Variants in ACLY observed in about 807,000 individuals in gnomAD.
The protein encoded by ACLY is ATP citrate lyase.
A neutral mutation model predicts 133.0 loss-of-function variants in ACLY; 41 were observed. The ratio of observed to expected loss-of-function variants is 0.31; its 90% CI spans 0.24 to 0.40. The LOEUF (loss-of-function observed/expected upper bound fraction) is 0.40. Among genes scored for constraint, ACLY ranks in the 10% least tolerant of loss-of-function variants. The pLI, the probability that ACLY is intolerant of heterozygous loss-of-function variation, is 1.00. For synonymous variants in ACLY, 495 were observed against 549.3 expected (o/e 0.90, Z 1.38); for missense variants, 1,046 against 1,453.8 (o/e 0.72, Z 4.56).
chr17:41,892,944 G>T, intron 15 of ACLY, 89 bp downstream of exon 15: 2 of 1,509,028 alleles, frequency 1.3e-6, no homozygotes, highest in Non-Finnish European at 1.8e-6. Context: ...CTCCCAAAGC[G>T]CTAGGATTAC....
At chr17:41,907,204 G>A (rs2049745286) in intron 7 of ACLY, among the ~76,000 whole-genome samples, 2 of 152,282 alleles carry the variant, frequency 1.3e-5, no homozygotes, top group South Asian at 4.1e-4. Flanking sequence ...CAAATCAAGT[G>A]AAGAGTCGAG....
intron 4 of ACLY, 87 bp from the exon 5 acceptor site, chr17:41,909,787 A>G (rs1220680631): frequency 5.7e-6 from 7 of 1,228,722 alleles, no homozygotes; most frequent in Non-Finnish European, 5.7e-6. Context: ...ATGGTCTACC[A>G]TGTACTGGGA....
In ACLY at chr17:41,909,122, G is replaced by A. The variant is rs912432304; in HGVS notation, c.537-54C>T. The stretch of plus-strand genomic sequence containing the variant: ...TCATCCATCAGGGAGCAGCTCGGCA[G>A]CACCCCAGGCGCCCCGCAGCAATCT... On this transcript the variant is annotated intron_variant, in intron 5 of 28. Coordinates refer to ENST00000352035, the MANE Select transcript of ACLY (RefSeq NM_001096.3). 5.0e-6 allele frequency: 7 copies of A among 1,399,834 alleles called. No homozygotes were observed. In the African/African-American group the frequency reaches 7.0e-5, roughly 14 times the overall value. The allele number at this position is 1,399,834 out of a possible 1,614,324, so 86.7% of individuals were successfully genotyped here.
chr17:41,886,359 C>T, intron 17 of ACLY, 51 bp from the exon 18 acceptor site: 1 of 1,507,504 alleles, frequency 6.6e-7, no homozygotes, highest in Non-Finnish European at 9.0e-7. Context: ...CCAGATTCAC[C>T]ACAAAGAATC....
upstream of ACLY, among the ~76,000 whole-genome samples, chr17:41,921,711 T>A (rs1555635460): frequency 6.6e-6 from 1 of 151,946 alleles, no homozygotes; most frequent in African/African-American, 2.4e-5. Flanking sequence ...GGCTCACGCC[T>A]ATAATCCGAG....
chr17:41,878,701 CA>C, intron 21 of ACLY, 95 bp downstream of exon 21: 1 of 1,470,776 alleles, frequency 6.8e-7, no homozygotes, highest in Non-Finnish European at 9.3e-7. Context: ...CGAGAGGGAC[CA>C]GGAATACATG....
Position 41,867,296 on chromosome 17 carries a change from C to T in ACLY, c.*514G>A, listed in dbSNP as rs2048491215. The stretch of plus-strand genomic sequence containing the variant: ...AAACAAGCCCTTAACACGTAACATA[C>T]AAAAAGATCTTTAAAAATCAGATTA... On this transcript the variant is annotated 3_prime_UTR_variant, in exon 29 of 29. Transcript: ENST00000352035. The T allele has an allele frequency of 6.8e-6, 1 of 147,520 alleles. No individual in the cohort carries two copies. Among genetic ancestry groups the T allele is most frequent in the African/African-American group, 2.5e-5 (1 of 39,838 alleles). The allele number at this position is 147,520 out of a possible 1,614,324, so 9.1% of individuals were successfully genotyped here.
chr17:41,883,099 G>C, intron 20 of ACLY, 23 bp downstream of exon 20: 1 of 1,601,630 alleles, frequency 6.2e-7, no homozygotes. Flanking sequence ...TCCCAGCCCA[G>C]AAGTGACCCA....
At chr17:41,905,117 T>G (rs2049672868) in intron 9 of ACLY, among the ~76,000 whole-genome samples, 1 of 152,172 alleles carries the variant, frequency 6.6e-6, no homozygotes, top group South Asian at 2.1e-4. Context: ...AGAACTGGTA[T>G]GCAGAGCTCC....
At chr17:41,882,367 C>CAAAAAAAAAAAAAAAAAAAAAAAAA (rs34078258) in intron 20 of ACLY, among the ~76,000 whole-genome samples, 1 of 40,252 alleles carries the variant, frequency 2.5e-5, no homozygotes, top group Non-Finnish European at 4.0e-5. Context: ...ACCCTGTCTC[C>CAAAAAAAAAAAAAAAAAAAAAAAAA]AAAAAAAAAA....
chr17:41,905,463 A>G (rs1178896031), intron 9 of ACLY, 59 bp downstream of exon 9: 36 of 1,607,150 alleles, frequency 2.2e-5, no homozygotes, highest in Admixed American at 1.8e-4. Context: ...GTCCCATTGC[A>G]GCCTGCTGGG....
upstream of ACLY, among the ~76,000 whole-genome samples, chr17:41,919,582 G>A (rs929091877): frequency 2.6e-5 from 4 of 152,230 alleles, no homozygotes; most frequent in African/African-American, 9.6e-5. Context: ...GGCAGGGGCC[G>A]CGGTAAGCAA....
chr17:41,904,814 C>A (rs1555632280), intron 9 of ACLY, 24 bp from the exon 10 acceptor site: 6 of 1,607,316 alleles, frequency 3.7e-6, no homozygotes, highest in South Asian at 3.3e-5. Flanking sequence ...AAGAGAGAAT[C>A]AAAAACAGTT....
chr17:41,870,362 G>C (rs368765217), intron 25 of ACLY: 5 of 152,230 alleles, frequency 3.3e-5, no homozygotes, highest in African/African-American at 1.2e-4. Flanking sequence ...CACCTTCCCT[G>C]CTTGGTTCTG....
intron 22 of ACLY, among the ~76,000 whole-genome samples, chr17:41,877,653 T>A (rs1218816926): frequency 3.9e-5 from 6 of 152,092 alleles, no homozygotes; most frequent in Non-Finnish European, 5.9e-5. Flanking sequence ...CTAAAAGAGA[T>A]TATCATTTGA....
At chr17:41,886,337 G>A in intron 17 of ACLY, 29 bp from the exon 18 acceptor site, 3 of 1,574,808 alleles carry the variant, frequency 1.9e-6, no homozygotes, top group Non-Finnish European at 2.6e-6. Context: ...CAATCAGGGA[G>A]GAAGGTGACT....
At position 41,898,701 on chromosome 17, in the gene ACLY, G is replaced by C. The variant is rs1391985509; in HGVS notation, c.1268C>G (p.Pro423Arg). The change falls in exon 12 of 29, where the codon CCC (proline) becomes CGC (arginine). Residue 423 changes from proline (P) to arginine (R), a missense_variant. Physicochemically the swap from Pro to Arg is moderately radical, Grantham distance 103 (BLOSUM62 -2). Transcript: ENST00000352035. ...CGCTGTGGGTGGCTGGTTGGGGATG[G>C]GCCGGTGGCCCAGGGCCATGCCCAC... is the stretch of plus-strand genomic sequence containing the variant. The part of the protein sequence containing the change: ...AIVGMALGHR[P>R]IPNQPPTAAH... 6.2e-7 allele frequency: 1 copy of C among 1,613,816 alleles called. No homozygotes were observed. The highest frequency in any genetic ancestry group is 8.5e-7 in the Non-Finnish European group (1 of 1,179,948).
chr17:41,886,219 G>C lies in ACLY; in HGVS notation c.1965C>G (p.Gly655=). ...NILASKLYRP[G]SVAYVSRSGG... is the part of the protein sequence containing the mutation. ...CGGAACGTGAGACATAGGCCACGCT[G>C]CCTGGGCGGTACAGTTTGGAGGCCA... Residue 655 remains glycine, a synonymous_variant, in exon 18 of 29, where the codon GGC becomes GGG. Transcript: ENST00000352035. 1.2e-6 allele frequency: 2 copies of C among 1,614,236 alleles called. No individual in the cohort carries two copies. The highest frequency in any genetic ancestry group is 1.7e-6 in the Non-Finnish European group (2 of 1,180,026).
chr17:41,913,981 GC>G, intron 1 of ACLY, 85 bp from the exon 2 acceptor site: 1 of 1,319,498 alleles, frequency 7.6e-7, no homozygotes. Flanking sequence ...ACTCCCAGTT[GC>G]CCCCAGACAA....
Sources: allele counts gnomAD v4.1 joint callset (sites outside exome capture counted in the v4.1 genomes callset), GRCh38; gene constraint gnomAD v4.1.1; transcripts MANE v1.5; gene names NCBI Gene and HGNC (gene_info 2026-07-23, HGNC 2026-07-21).